The following INPP4A variants were observed in gnomAD, a reference collection of about 807,000 sequenced individuals.
The protein encoded by INPP4A is inositol polyphosphate-4-phosphatase, type I, 107kD.
INPP4A carries 33 observed loss-of-function variants against 119.8 expected under a neutral mutation model. The ratio of observed to expected loss-of-function variants is 0.28; its 90% CI spans 0.21 to 0.37. The LOEUF (loss-of-function observed/expected upper bound fraction) is 0.37. Ranked by LOEUF, INPP4A falls within the 10% of genes least tolerant of loss-of-function variation. The probability of loss-of-function intolerance (pLI) is 1.00; values close to 1 mark genes in which losing one functional copy is unlikely to be tolerated. For synonymous variants in INPP4A, 496 were observed against 500.7 expected, an observed-to-expected ratio of 0.99 and a Z score of 0.12; for missense variants, 956 against 1,289.9, an observed-to-expected ratio of 0.74 and a Z score of 3.97.
chr2:98,525,726 A>G (rs1688068417), intron 4 of INPP4A, among the ~76,000 whole-genome samples: 1 of 152,254 alleles, frequency 6.6e-6, no homozygotes, highest in South Asian at 2.1e-4. Flanking sequence ...AAGTTATACA[A>G]ATGAACAATA....
rs61748143 is a variant in INPP4A, at chr2:98,563,508, C to G, written c.1899C>G (p.Thr633=). 9.7e-3 allele frequency: 15,594 copies of G among 1,613,592 alleles called. 127 individuals are homozygous for G. The highest frequency in any genetic ancestry group is 9.8e-3 in the Non-Finnish European group (11,523 of 1,179,706). ...TTTACCCGCTGCTGACCACTCTCACCGACTGCGTGGCCATGATGAGTGACA... is the reference window on the plus strand; with the variant it reads ...TTTACCCGCTGCTGACCACTCTCACGGACTGCGTGGCCATGATGAGTGACA... The part of the protein sequence containing the change: ...EALYPLLTTL[T]DCVAMMSDKA... The change falls in exon 18 of 25, where the codon ACC becomes ACG. Residue 633 remains threonine (T), a synonymous_variant. Transcript: ENST00000409851.
Position 98,541,399 on chromosome 2 carries a change from A to T in INPP4A, c.818+1724A>T, listed in dbSNP as rs537413775. On this transcript the variant is annotated intron_variant, in intron 10 of 24. Coordinates refer to ENST00000409851, the MANE Select transcript of INPP4A (RefSeq NM_001134225.2). ...CTTTCACCTAAAATCACCAATTGTTAATATTTTGCCAATTGCTTTCTCTAT... is the reference window on the plus strand; with the variant it reads ...CTTTCACCTAAAATCACCAATTGTTTATATTTTGCCAATTGCTTTCTCTAT... Among the ~76,000 whole-genome samples, 3 of 152,086 alleles carry T rather than the reference A, an allele frequency of 2.0e-5. No individual in the cohort carries two copies. In the South Asian group the frequency reaches 6.2e-4, roughly 32 times the overall value.
chr2:98,465,173 C>T (rs2104720830), intron 1 of INPP4A, among the ~76,000 whole-genome samples: 1 of 152,352 alleles, frequency 6.6e-6, no homozygotes, highest in Non-Finnish European at 1.5e-5. Context: ...TTCTGGCCTC[C>T]AGAATCACTG....
intron 4 of INPP4A, among the ~76,000 whole-genome samples, chr2:98,532,188 C>G (rs562392965): frequency 4.6e-5 from 7 of 152,236 alleles, no homozygotes; most frequent in Admixed American, 3.9e-4. Flanking sequence ...TGCTCTCCCC[C>G]ACCCTTCCAA....
At chr2:98,530,068 G>A (rs1370668580) in intron 4 of INPP4A, among the ~76,000 whole-genome samples, 1 of 152,050 alleles carries the variant, frequency 6.6e-6, no homozygotes, top group Non-Finnish European at 1.5e-5. Context: ...GGGAAGAATG[G>A]ACTTAAGACT....
At chr2:98,492,474 GTGCTA>G (rs1681019985) in intron 1 of INPP4A, among the ~76,000 whole-genome samples, 2 of 152,214 alleles carry the variant, frequency 1.3e-5, no homozygotes, top group Non-Finnish European at 2.9e-5. Flanking sequence ...CTCTATTGAT[GTGCTA>G]CCCCTGGGAG....
At chr2:98,532,568 A>G (rs1397629572) in intron 4 of INPP4A, among the ~76,000 whole-genome samples, 1 of 152,178 alleles carries the variant, frequency 6.6e-6, no homozygotes, top group African/African-American at 2.4e-5. Flanking sequence ...GAGTGTACTA[A>G]CAGGATCCCA....
intron 10 of INPP4A, among the ~76,000 whole-genome samples, chr2:98,541,525 TC>T (rs1259453175): frequency 6.6e-6 from 1 of 152,218 alleles, no homozygotes; most frequent in African/African-American, 2.4e-5. Flanking sequence ...CCATGTATCT[TC>T]AGTTTTTATG....
chr2:98,536,357 G>A (rs935153097), intron 7 of INPP4A, 149 bp downstream of exon 7: 5 of 611,192 alleles, frequency 8.2e-6, no homozygotes, highest in African/African-American at 3.7e-5. Context: ...CTATTGAGGC[G>A]AAACAAATTA....
At chr2:98,564,889 G>T in intron 19 of INPP4A, 126 bp downstream of exon 19, 1 of 1,194,736 alleles carries the variant, frequency 8.4e-7, no homozygotes, top group Non-Finnish European at 1.1e-6. Context: ...ATATATAACA[G>T]CAGACCAGAT....
intron 10 of INPP4A, among the ~76,000 whole-genome samples, chr2:98,540,069 T>C (rs1367717213): frequency 6.6e-6 from 1 of 152,144 alleles, no homozygotes; most frequent in Non-Finnish European, 1.5e-5. Flanking sequence ...GTAGCTGAGA[T>C]TACAGGTGTG....
At chr2:98,578,032 C>T (rs1025721248) in intron 24 of INPP4A, among the ~76,000 whole-genome samples, 7 of 152,188 alleles carry the variant, frequency 4.6e-5, no homozygotes, top group Admixed American at 2.0e-4. Flanking sequence ...AAAAGCGACG[C>T]GTGAGCTCCT....
At chr2:98,584,014 A>G (rs752057368) in intron 24 of INPP4A, among the ~76,000 whole-genome samples, 32 of 152,216 alleles carry the variant, frequency 2.1e-4, no homozygotes, top group Non-Finnish European at 2.8e-4. Context: ...TGTCTCTTCT[A>G]AAATAAATGA....
At chr2:98,537,299 C>T (rs1003308479) in intron 7 of INPP4A, among the ~76,000 whole-genome samples, 1 of 152,208 alleles carries the variant, frequency 6.6e-6, no homozygotes, top group African/African-American at 2.4e-5. Context: ...AGGCCACCAT[C>T]AGCCACCCTT....
intron 1 of INPP4A, among the ~76,000 whole-genome samples, chr2:98,469,876 A>G (rs76710014): frequency 2.9e-3 from 445 of 152,256 alleles, no homozygotes; most frequent in Non-Finnish European, 4.6e-3. Flanking sequence ...AAATCCCCAC[A>G]TATTGGTGTT....
chr2:98,532,713 A>C (rs1689472302), intron 4 of INPP4A, among the ~76,000 whole-genome samples: 1 of 148,558 alleles, frequency 6.7e-6, no homozygotes, highest in Admixed American at 6.8e-5. Context: ...CTAAACATAG[A>C]AAAGGTAATG....
chr2:98,567,527 A>T (rs1258207479), intron 21 of INPP4A, among the ~76,000 whole-genome samples: 1 of 152,136 alleles, frequency 6.6e-6, no homozygotes, highest in African/African-American at 2.4e-5. Flanking sequence ...GGGAGGGAAA[A>T]TGATGGTGCC....
At chr2:98,457,743 A>T (rs922877945) in intron 1 of INPP4A, among the ~76,000 whole-genome samples, 1 of 152,186 alleles carries the variant, frequency 6.6e-6, no homozygotes, top group African/African-American at 2.4e-5. Flanking sequence ...TAGAAATAGG[A>T]TTGGCTAGCT....
Position 98,593,885 on chromosome 2 carries a change from T to C in INPP4A, c.*6277T>C, listed in dbSNP as rs1700501912. The C allele has an allele frequency of 6.6e-6, 1 of 150,906 alleles. No individual in the cohort carries two copies. Among genetic ancestry groups the C allele is most frequent in the African/African-American group, 2.4e-5 (1 of 41,332 alleles). 9.3% of individuals were successfully genotyped at this position (150,906 alleles called of 1,614,324 possible). On this transcript the variant is annotated 3_prime_UTR_variant, in exon 25 of 25. Transcript: ENST00000409851. ...CTAGTCTCAGGTCTGCCTTCCTCTATGGTGATTTCTCCCCACAAATGAAGT... is the reference window on the plus strand; with the variant it reads ...CTAGTCTCAGGTCTGCCTTCCTCTACGGTGATTTCTCCCCACAAATGAAGT...
Sources: gnomAD v4.1 joint callset for allele counts (sites outside exome capture counted in the v4.1 genomes callset) on GRCh38, gnomAD v4.1.1 for gene constraint, MANE v1.5 for transcripts, NCBI Gene and HGNC (gene_info 2026-07-23, HGNC 2026-07-21) for gene names.